Variants in CELF2 observed in about 807,000 individuals in gnomAD.
CELF2 encodes the protein CUG triplet repeat RNA-binding protein 2.
CELF2 carries 8 observed loss-of-function variants against 62.6 expected under a neutral mutation model. The observed-to-expected ratio is 0.13, with a 90% CI of 0.07 to 0.23. The LOEUF (loss-of-function observed/expected upper bound fraction) is 0.23. CELF2 is among the 10% of genes least tolerant of loss of function. CELF2 has a pLI of 1.00. For missense variants in CELF2, 333 were observed against 671.0 expected (o/e 0.50, Z 5.56); for synonymous variants, 258 against 250.0 (o/e 1.03, Z -0.30).
chr10:10,984,203 A>G (rs1592723550), intron 2 of CELF2, among the ~76,000 whole-genome samples: 1 of 152,238 alleles, frequency 6.6e-6, no homozygotes, highest in Admixed American at 6.5e-5. Flanking sequence ...AAGGACACAC[A>G]GAGGGTCGAG....
intron 1 of CELF2, among the ~76,000 whole-genome samples, chr10:11,077,169 T>C (rs2773496): frequency 0.12 from 17,968 of 152,152 alleles, 2,538 homozygotes; most frequent in African/African-American, 0.34. Context: ...GTGCCGAGGG[T>C]TATCATTATA....
chr10:10,720,750 G>A, the CELF2 span, among the ~76,000 whole-genome samples: 1 of 152,212 alleles, frequency 6.6e-6, no homozygotes, highest in Non-Finnish European at 1.5e-5. Flanking sequence ...CCAGTCTCTT[G>A]GTTTGGACCC....
the CELF2 span, among the ~76,000 whole-genome samples, chr10:10,783,995 AAAAT>A: frequency 6.6e-6 from 1 of 152,150 alleles, no homozygotes; most frequent in African/African-American, 2.4e-5. Context: ...CCAAAAAAAA[AAAAT>A]AAATAAAGAA....
chr10:10,483,986 TCCCTCCCTCCCCCGCTTTCTCC>T, the CELF2 span, among the ~76,000 whole-genome samples: 1 of 70,558 alleles, frequency 1.4e-5, no homozygotes, highest in Non-Finnish European at 2.8e-5. Context: ...TGTCCCTCCC[TCCCTCCCTCCCCCGCTTTCTCC>T]CTCCCTCCCT....
At chr10:10,538,585 T>A in the CELF2 span, among the ~76,000 whole-genome samples, 1 of 151,386 alleles carries the variant, frequency 6.6e-6, no homozygotes. Context: ...CTCCCACCCC[T>A]ATCCCCTGCC....
At chr10:11,073,449 C>T (rs1344976499) in intron 1 of CELF2, among the ~76,000 whole-genome samples, 2 of 152,132 alleles carry the variant, frequency 1.3e-5, no homozygotes, top group Non-Finnish European at 2.9e-5. Flanking sequence ...GGATGTTTAG[C>T]AATAGTCACA....
At position 11,330,625 on chromosome 10, in the gene CELF2, C is replaced by T. The variant is rs2095992018; in HGVS notation, c.*1572C>T. On this transcript the variant is annotated 3_prime_UTR_variant, in exon 13 of 13. Coordinates refer to ENST00000633077, the MANE Select transcript of CELF2 (RefSeq NM_001326342.2). The surrounding 1 kb of genome is among the most constrained non-coding windows in gnomAD (Gnocchi z 4.5). ...GACCTTTGAAATTTGCATGTGACCT[C>T]ATCTAGCTATGAATTCTGGGAAGTC... The T allele has an allele frequency of 1.3e-5, 2 of 152,618 alleles. No individual in the cohort carries two copies. 9.5% of individuals were successfully genotyped at this position (152,618 alleles called of 1,614,324 possible).
chr10:11,060,930 C>T (rs888351196), intron 1 of CELF2, among the ~76,000 whole-genome samples: 3 of 152,186 alleles, frequency 2.0e-5, no homozygotes, highest in Non-Finnish European at 4.4e-5. Flanking sequence ...CTGTCTTTCT[C>T]CCTCCACTTG....
chr10:11,036,010 A>G (rs1398896619), intron 1 of CELF2, among the ~76,000 whole-genome samples: 1 of 152,238 alleles, frequency 6.6e-6, no homozygotes, highest in Non-Finnish European at 1.5e-5. Flanking sequence ...TATATCAAGT[A>G]TATCTGCACT....
chr10:11,294,967 A>G (rs998156266), intron 9 of CELF2, among the ~76,000 whole-genome samples: 19 of 138,506 alleles, frequency 1.4e-4, no homozygotes, highest in Non-Finnish European at 2.7e-4. Flanking sequence ...TAGCTTTCCT[A>G]TGGTGCTGAC....
chr10:10,965,266 C>T (rs1297072533), intron 2 of CELF2, among the ~76,000 whole-genome samples: 1 of 152,096 alleles, frequency 6.6e-6, no homozygotes, highest in Non-Finnish European at 1.5e-5. Flanking sequence ...TTTCAGTTTT[C>T]TGTTAATTTC....
intron 1 of CELF2, among the ~76,000 whole-genome samples, chr10:11,128,552 T>C (rs911717934): frequency 2.0e-5 from 3 of 152,214 alleles, no homozygotes; most frequent in Non-Finnish European, 4.4e-5. Context: ...TTTTATTTCA[T>C]TGAGTGGTTG....
chr10:10,953,199 A>G (rs540927937), intron 2 of CELF2, among the ~76,000 whole-genome samples: 1 of 152,344 alleles, frequency 6.6e-6, no homozygotes, highest in South Asian at 2.1e-4. Flanking sequence ...AGCATTGAAA[A>G]TCAAGGAGAT....
At chr10:10,602,934 G>T in the CELF2 span, among the ~76,000 whole-genome samples, 1 of 152,116 alleles carries the variant, frequency 6.6e-6, no homozygotes, top group Non-Finnish European at 1.5e-5. Context: ...TTCGTTGAGG[G>T]ATTTGGAGTT....
At chr10:11,264,830 A>G (rs1190104388) in intron 5 of CELF2, among the ~76,000 whole-genome samples, 1 of 152,250 alleles carries the variant, frequency 6.6e-6, no homozygotes, top group African/African-American at 2.4e-5. Flanking sequence ...AAGCTTCATC[A>G]GCTGCCATGC....
In CELF2 at chr10:11,332,910, TATTGCAC is replaced by T. The variant is rs1444976900; in HGVS notation, c.*3858_*3864del. ...CAGCAATCAGCTTAATAACAACACT[TATTGCAC>T]CTGTCTCTCTCTGAGAACACGGTGT... On this transcript the variant is annotated 3_prime_UTR_variant, in exon 13 of 13. Transcript: ENST00000633077. 5.9e-5 allele frequency: 9 copies of T among 152,626 alleles called. No individual in the cohort carries two copies. Among genetic ancestry groups the T allele is most frequent in the African/African-American group, 2.2e-4 (9 of 41,458 alleles). 9.5% of individuals were successfully genotyped at this position (152,626 alleles called of 1,614,324 possible).
At chr10:11,063,758 G>T (rs1268557265) in intron 1 of CELF2, among the ~76,000 whole-genome samples, 1 of 152,062 alleles carries the variant, frequency 6.6e-6, no homozygotes, top group Non-Finnish European at 1.5e-5. Context: ...TTGATAGATT[G>T]GTGGTTTTCA....
At chr10:10,569,434 CATAAT>C in the CELF2 span, among the ~76,000 whole-genome samples, 1 of 152,138 alleles carries the variant, frequency 6.6e-6, no homozygotes, top group East Asian at 1.9e-4. Flanking sequence ...AAACTGTCCT[CATAAT>C]TTAATTATCT....
At chr10:10,871,000 G>T (rs1030704123) in intron 1 of CELF2, among the ~76,000 whole-genome samples, 1 of 151,884 alleles carries the variant, frequency 6.6e-6, no homozygotes. Flanking sequence ...TTGCAGAGAA[G>T]AGCAACTCCC....
Sources: allele counts gnomAD v4.1 joint callset (sites outside exome capture counted in the v4.1 genomes callset), GRCh38; gene constraint gnomAD v4.1.1; non-coding constraint Gnocchi (gnomAD v3.1); transcripts MANE v1.5; gene names NCBI Gene and HGNC (gene_info 2026-07-23, HGNC 2026-07-21).